The following EBF4 variants were observed in gnomAD, a reference collection of about 807,000 sequenced individuals.
EBF4 encodes the protein EBF transcription factor 4, also known as transcription factor COE4.
EBF4 carries 34 observed loss-of-function variants against 67.1 expected under a neutral mutation model. The ratio of observed to expected loss-of-function variants is 0.51; its 90% CI spans 0.39 to 0.67. The LOEUF is 0.67. Ranked by LOEUF, EBF4 falls within the 30% of genes least tolerant of loss-of-function variation. The pLI, the probability that EBF4 is intolerant of heterozygous loss-of-function variation, is 0.00. For missense variants in EBF4, 837 were observed against 873.3 expected (o/e 0.96, Z 0.52); for synonymous variants, 387 against 377.7 (o/e 1.02, Z -0.29).
At chr20:2,741,723 G>T (rs1198920204) in intron 6 of EBF4, among the ~76,000 whole-genome samples, 1 of 152,134 alleles carries the variant, frequency 6.6e-6, no homozygotes, top group Admixed American at 6.5e-5. Flanking sequence ...GAGTCATGAT[G>T]CATAACTACC....
At chr20:2,713,503 G>A (rs2087570003) in intron 6 of EBF4, among the ~76,000 whole-genome samples, 1 of 152,158 alleles carries the variant, frequency 6.6e-6, no homozygotes, top group Non-Finnish European at 1.5e-5. Flanking sequence ...TCATGTGATT[G>A]ACAAGCGGCA....
At chr20:2,730,079 G>C (rs1349725717) in intron 6 of EBF4, among the ~76,000 whole-genome samples, 1 of 152,216 alleles carries the variant, frequency 6.6e-6, no homozygotes, top group Non-Finnish European at 1.5e-5. Flanking sequence ...CAGGTGCCCT[G>C]TGGCTGAGGG....
At chr20:2,729,216 G>A (rs2087782628) in intron 6 of EBF4, among the ~76,000 whole-genome samples, 2 of 151,960 alleles carry the variant, frequency 1.3e-5, no homozygotes, top group Admixed American at 6.6e-5. Context: ...CTGACTGAAA[G>A]CCTTCGCCGA....
chr20:2,727,774 T>C (rs967963336), intron 6 of EBF4, among the ~76,000 whole-genome samples: 3 of 152,204 alleles, frequency 2.0e-5, no homozygotes, highest in African/African-American at 7.2e-5. Flanking sequence ...TGTGAGGTAA[T>C]ATTTGATTAT....
rs1181612062 is a variant in EBF4 at position 2,749,490 on chromosome 20, C to T, written c.729C>T (p.Arg243=). 5.2e-6 allele frequency: 8 copies of T among 1,548,268 alleles called. 1 individual carries two copies. In the Middle Eastern group the frequency reaches 5.7e-4, roughly 110 times the overall value. The change falls in exon 8 of 17, where the codon CGC becomes CGT. Residue 243 remains arginine (R), a synonymous_variant. Transcript: ENST00000609451. Reference sequence around the variant, plus strand: ...TGCACAACAACTCCAAGCATGGCCGCAGGGCGCGCCGCCTGGACCCCTCCG... The same window carrying T: ...TGCACAACAACTCCAAGCATGGCCGTAGGGCGCGCCGCCTGGACCCCTCCG...
At chr20:2,716,925 C>G (rs1212262149) in intron 6 of EBF4, among the ~76,000 whole-genome samples, 2 of 152,160 alleles carry the variant, frequency 1.3e-5, no homozygotes, top group Non-Finnish European at 2.9e-5. Context: ...AGTCTTCCAC[C>G]TTCCCTGAAC....
intron 1 of EBF4, among the ~76,000 whole-genome samples, chr20:2,694,070 A>G (rs1432025095): frequency 6.6e-6 from 1 of 152,168 alleles, no homozygotes; most frequent in East Asian, 1.9e-4. Flanking sequence ...TATGGCTCTG[A>G]GAGAAGAGGC....
chr20:2,711,651 C>G, intron 6 of EBF4, among the ~76,000 whole-genome samples: 1 of 152,168 alleles, frequency 6.6e-6, no homozygotes, highest in East Asian at 1.9e-4. Context: ...TCTTGAGCAT[C>G]TACTCTGTGC....
chr20:2,723,602 G>C (rs1387168616), intron 6 of EBF4, among the ~76,000 whole-genome samples: 2 of 152,140 alleles, frequency 1.3e-5, no homozygotes, highest in African/African-American at 4.8e-5. Flanking sequence ...ACCCGCCTCG[G>C]CCTCCCAAAG....
chr20:2,717,396 A>G (rs79041427), intron 6 of EBF4, among the ~76,000 whole-genome samples: 5,683 of 152,306 alleles, frequency 0.037, 228 homozygotes, highest in African/African-American at 0.098. Flanking sequence ...AATAGAGAAA[A>G]ATAAAACAAA....
intron 6 of EBF4, among the ~76,000 whole-genome samples, chr20:2,718,469 A>G (rs2087639172): frequency 2.6e-5 from 4 of 152,194 alleles, no homozygotes; most frequent in Admixed American, 1.3e-4. Context: ...TTTCTCTAAT[A>G]GATATAGAAG....
At position 2,751,734 on chromosome 20, in the gene EBF4, G is replaced by C; in HGVS notation, c.1053G>C (p.Gln351His). Residue 351 changes from glutamine to histidine, a missense_variant, in exon 11 of 17, where the codon CAG (glutamine) becomes CAC (histidine). Physicochemically the swap from Gln to His is conservative, Grantham distance 24. This residue lies in a region of EBF4 where 525 missense variants were observed against 496.5 expected (regional missense o/e 1.06). Coordinates refer to ENST00000609451, the Ensembl canonical transcript of EBF4. The surrounding 1 kb of genome is among the most constrained non-coding windows in gnomAD (Gnocchi z 5.2). ...AGCCCACCATTGACTACGGATTCCA[G>C]AGGCTACAGAAAGTCATTCCCAGAC... 2.6e-6 allele frequency: 4 copies of C among 1,550,828 alleles called. No individual in the cohort carries two copies. The highest frequency in any genetic ancestry group is 3.5e-6 in the Non-Finnish European group (4 of 1,146,824).
chr20:2,717,397 A>G (rs1438940345), intron 6 of EBF4, among the ~76,000 whole-genome samples: 2 of 152,232 alleles, frequency 1.3e-5, no homozygotes, highest in African/African-American at 2.4e-5. Flanking sequence ...ATAGAGAAAA[A>G]TAAAACAAAT....
In EBF4 at chr20:2,744,487, C is replaced by CTTTTTTTTTTTTTTTTTTTTTTTT. The variant is rs778840182; in HGVS notation, c.558-4058_558-4057insTTTTTTTTTTTTTTTTTTTTTTTT. On this transcript the variant is annotated intron_variant, in intron 6 of 16. Transcript: ENST00000609451. ...TTTTTCTTTTCTTTTTTCTTTTTTT[C>CTTTTTTTTTTTTTTTTTTTTTTTT]TTTTCTTTTTTTTTTTTTTTTTGAG... 5.4e-5 allele frequency among the ~76,000 whole-genome samples: 6 copies of CTTTTTTTTTTTTTTTTTTTTTTTT among 111,494 alleles called. 1 individual carries two copies. The highest frequency in any genetic ancestry group is 6.8e-5 in the Non-Finnish European group (4 of 58,430). The allele number at this position is 111,494 out of a possible 152,430, so 73.1% of individuals were successfully genotyped here.
chr20:2,711,048 C>T (rs1296175665), intron 6 of EBF4, among the ~76,000 whole-genome samples: 1 of 151,696 alleles, frequency 6.6e-6, no homozygotes, highest in Non-Finnish European at 1.5e-5. Context: ...CTCAGGAGGC[C>T]GAGGTGGGAG....
At chr20:2,705,420 G>A (rs2087438111) in intron 1 of EBF4, among the ~76,000 whole-genome samples, 157 bp from the exon 2 acceptor site, 1 of 152,160 alleles carries the variant, frequency 6.6e-6, no homozygotes, top group Admixed American at 6.5e-5. Flanking sequence ...AGATGGCCCT[G>A]GTCAGGCTGG....
intron 6 of EBF4, among the ~76,000 whole-genome samples, chr20:2,722,672 G>A (rs560865880): frequency 3.9e-5 from 6 of 152,192 alleles, no homozygotes; most frequent in African/African-American, 1.4e-4. Flanking sequence ...TGGGATATTT[G>A]TAAGGTTTAG....
Position 2,707,966 on chromosome 20 carries a change from A to C in EBF4, c.434A>C (p.Gln145Pro). 2 of 1,605,888 alleles carry C rather than the reference A, an allele frequency of 1.2e-6. No individual in the cohort carries two copies. Among genetic ancestry groups the C allele is most frequent in the Non-Finnish European group, 1.7e-6 (2 of 1,175,762 alleles). Residue 145 changes from glutamine (Q) to proline (P), a missense_variant, in exon 5 of 17, where the codon CAG (glutamine) becomes CCG (proline). Physicochemically the swap from Gln to Pro is moderately conservative, Grantham distance 76. Transcript: ENST00000609451. This position sits in a 1 kb window ranked among gnomAD's most constrained non-coding sequence, Gnocchi z 4.6. ...CCCCAGGCCATCATCTATGAGGGGC[A>C]GGACAAGAACCCCGAAATGTGCCGA...
chr20:2,718,998 A>G (rs971030122), intron 6 of EBF4, among the ~76,000 whole-genome samples: 7 of 152,186 alleles, frequency 4.6e-5, no homozygotes, highest in African/African-American at 1.7e-4. Flanking sequence ...AATGCTTTCA[A>G]ATTTCCCTTT....
Sources: gnomAD v4.1 joint callset for allele counts (sites outside exome capture counted in the v4.1 genomes callset) on GRCh38, gnomAD v4.1.1 for gene constraint, gnomAD v4.1.1 regional missense constraint, Gnocchi (gnomAD v3.1) non-coding constraint, MANE v1.5 for transcripts, NCBI Gene and HGNC (gene_info 2026-07-23, HGNC 2026-07-21) for gene names.